The following BMAL1 variants were observed in gnomAD, a reference collection of about 807,000 sequenced individuals.
The protein encoded by BMAL1 is basic helix-loop-helix ARNT like 1, also known as basic helix-loop-helix ARNT-like protein 1.
At chr11:13,373,789 AT>A in the BMAL1 span, among the ~76,000 whole-genome samples, 3 of 152,336 alleles carry the variant, frequency 2.0e-5, no homozygotes, top group African/African-American at 7.2e-5. Flanking sequence ...GATGACAGGC[AT>A]GAACCACCAT....
the BMAL1 span, chr11:13,356,439 A>C: frequency 1.7e-6 from 1 of 575,594 alleles, no homozygotes; most frequent in East Asian, 3.5e-5. Flanking sequence ...CATTTTTATA[A>C]ACACTACATA....
chr11:13,288,043 G>A, the BMAL1 span, among the ~76,000 whole-genome samples: 2 of 152,182 alleles, frequency 1.3e-5, no homozygotes, highest in African/African-American at 4.8e-5. Flanking sequence ...AAGGATGGTA[G>A]GATTTCGATT....
chr11:13,363,127 CAT>C, the BMAL1 span, among the ~76,000 whole-genome samples: 4,531 of 108,796 alleles, frequency 0.042, 87 homozygotes, highest in East Asian at 0.07. Flanking sequence ...GTCTTTATTT[CAT>C]ATATATATAT....
chr11:13,315,362 T>A, the BMAL1 span, among the ~76,000 whole-genome samples: 1 of 152,198 alleles, frequency 6.6e-6, no homozygotes, highest in Admixed American at 6.5e-5. Context: ...GAAGGCTAGG[T>A]CTTGTCCTCA....
At chr11:13,316,054 A>T in the BMAL1 span, among the ~76,000 whole-genome samples, 1 of 151,508 alleles carries the variant, frequency 6.6e-6, no homozygotes, top group East Asian at 1.9e-4. Context: ...CTACCTTACA[A>T]CCCCTTTGTT....
At chr11:13,357,246 G>A in the BMAL1 span, 4 of 1,174,750 alleles carry the variant, frequency 3.4e-6, no homozygotes, top group Non-Finnish European at 4.7e-6. This position sits in a 1 kb window ranked among gnomAD's most constrained non-coding sequence, Gnocchi z 4.8. Context: ...GGCCTTGGCC[G>A]AGGTGGCCTT....
the BMAL1 span, among the ~76,000 whole-genome samples, chr11:13,334,791 T>A: frequency 6.6e-6 from 1 of 152,220 alleles, no homozygotes; most frequent in Admixed American, 6.5e-5. Flanking sequence ...TGATCCCTGG[T>A]GCCTCTAGCC....
the BMAL1 span, among the ~76,000 whole-genome samples, chr11:13,340,675 G>A: frequency 6.6e-6 from 1 of 152,150 alleles, no homozygotes; most frequent in African/African-American, 2.4e-5. Flanking sequence ...TCAATGTCCT[G>A]GATCTCTCCA....
At chr11:13,322,589 G>A in the BMAL1 span, among the ~76,000 whole-genome samples, 1 of 152,078 alleles carries the variant, frequency 6.6e-6, no homozygotes, top group Non-Finnish European at 1.5e-5. Flanking sequence ...TATGTTAGGT[G>A]AAGGGATTTG....
the BMAL1 span, among the ~76,000 whole-genome samples, chr11:13,382,656 T>C: frequency 3.3e-5 from 5 of 152,342 alleles, no homozygotes; most frequent in East Asian, 5.8e-4. Context: ...TTTTAGGCAC[T>C]TGACTTGACT....
At chr11:13,320,575 T>G in the BMAL1 span, among the ~76,000 whole-genome samples, 1 of 152,192 alleles carries the variant, frequency 6.6e-6, no homozygotes, top group African/African-American at 2.4e-5. Context: ...CCCAGGGGTA[T>G]TTTGAAGGAT....
At chr11:13,343,294 T>C in the BMAL1 span, among the ~76,000 whole-genome samples, 1 of 152,220 alleles carries the variant, frequency 6.6e-6, no homozygotes. Flanking sequence ...CACTAATTGG[T>C]ATCAGTTCCC....
chr11:13,382,058 C>A, the BMAL1 span, among the ~76,000 whole-genome samples: 5 of 152,178 alleles, frequency 3.3e-5, no homozygotes, highest in East Asian at 9.7e-4. Context: ...CAAGGATTTT[C>A]AAAACTGAGC....
the BMAL1 span, among the ~76,000 whole-genome samples, chr11:13,382,564 T>C: frequency 6.6e-6 from 1 of 151,716 alleles, no homozygotes; most frequent in African/African-American, 2.4e-5. Context: ...GCTGTTCTTC[T>C]GTTATACCTC....
chr11:13,355,349 G>GTA, the BMAL1 span: 1 of 1,564,850 alleles, frequency 6.4e-7, no homozygotes, highest in Non-Finnish European at 8.8e-7. Context: ...TGGAGAGTGG[G>GTA]TATGAGGGCT....
chr11:13,286,219 C>G, the BMAL1 span, among the ~76,000 whole-genome samples: 1 of 152,208 alleles, frequency 6.6e-6, no homozygotes, highest in African/African-American at 2.4e-5. Context: ...AGCATTGTAC[C>G]TCATTTGCTG....
chr11:13,331,839 G>C, the BMAL1 span, among the ~76,000 whole-genome samples: 1 of 152,156 alleles, frequency 6.6e-6, no homozygotes, highest in African/African-American at 2.4e-5. Context: ...AGGCTGGAAG[G>C]GGCAGAGGGA....
chr11:13,375,252 A>T, the BMAL1 span, among the ~76,000 whole-genome samples: 1 of 152,196 alleles, frequency 6.6e-6, no homozygotes, highest in Non-Finnish European at 1.5e-5. Context: ...TAAGTTCTAT[A>T]TTGCCCTTGG....
At chr11:13,287,201 AATG>A in the BMAL1 span, among the ~76,000 whole-genome samples, 1 of 152,206 alleles carries the variant, frequency 6.6e-6, no homozygotes, top group Non-Finnish European at 1.5e-5. Flanking sequence ...GCAGTGTTCA[AATG>A]ACTTAGGTGC....
Sources: allele counts gnomAD v4.1 joint callset (sites outside exome capture counted in the v4.1 genomes callset), GRCh38; gene constraint gnomAD v4.1.1; non-coding constraint Gnocchi (gnomAD v3.1); transcripts MANE v1.5; gene names NCBI Gene and HGNC (gene_info 2026-07-23, HGNC 2026-07-21).